RADX: variants seen among roughly 807,000 people sequenced by gnomAD.
RADX encodes the protein RPA1 related single stranded DNA binding protein, X-linked, also known as RPA-related protein RADX.
In RADX, 36 loss-of-function variants were observed where a neutral mutation model predicts 61.6. That is an observed-to-expected ratio of 0.58 (90% CI 0.45 to 0.77). The LOEUF (loss-of-function observed/expected upper bound fraction) is 0.77. Among genes scored for constraint, RADX ranks in the 30% least tolerant of loss-of-function variants. The probability of loss-of-function intolerance (pLI) is 0.00; values close to 1 mark genes in which losing one functional copy is unlikely to be tolerated. For missense variants in RADX, 497 were observed against 651.1 expected, an observed-to-expected ratio of 0.76 and a Z score of 2.58; for synonymous variants, 272 against 237.9, an observed-to-expected ratio of 1.14 and a Z score of -1.32.
chrX:106,634,699 A>G (rs1206156816), intron 6 of RADX, among the ~76,000 whole-genome samples: 1 of 111,796 alleles, frequency 8.9e-6, no homozygotes, highest in East Asian at 2.8e-4. Flanking sequence ...TGGACTTCCA[A>G]GGTGAGTGGG....
At chrX:106,634,788 A>G (rs1927322379) in intron 6 of RADX, among the ~76,000 whole-genome samples, 2 of 111,529 alleles carry the variant, frequency 1.8e-5, no homozygotes, top group African/African-American at 6.5e-5. Flanking sequence ...TATTGCCTCA[A>G]TTTAGGTGGG....
chrX:106,628,644 A>AT (rs35521933), intron 3 of RADX, among the ~76,000 whole-genome samples: 9,066 of 98,301 alleles, frequency 0.092, 1,013 homozygotes, highest in African/African-American at 0.3. Context: ...TAATATGTGA[A>AT]TTTTTTTTTT....
chrX:106,639,720 G>T, intron 9 of RADX, 33 bp downstream of exon 9: 1 of 1,092,521 alleles, frequency 9.2e-7, no homozygotes, highest in Non-Finnish European at 1.2e-6. Flanking sequence ...GTATTTCTCT[G>T]AAAGCACTGT....
chrX:106,662,963 A>C (rs1928141456), intron 12 of RADX, among the ~76,000 whole-genome samples: 1 of 110,314 alleles, frequency 9.1e-6, no homozygotes, highest in Non-Finnish European at 1.9e-5. Context: ...AAATTTACAC[A>C]CAAAAAAATT....
At chrX:106,661,531 A>T (rs1928097637) in intron 11 of RADX, among the ~76,000 whole-genome samples, 1 of 108,937 alleles carries the variant, frequency 9.2e-6, no homozygotes, top group Non-Finnish European at 1.9e-5. Context: ...CCAACCCCTA[A>T]ATGGCCCCTC....
chrX:106,678,533 A>G lies in RADX; in HGVS notation c.*275A>G, dbSNP rs1173468759. On this transcript the variant is annotated 3_prime_UTR_variant, in exon 14 of 14. Coordinates refer to ENST00000372548, the MANE Select transcript of RADX (RefSeq NM_018015.6). ...ATGACTATTATCTTGACTTCTGGTA[A>G]TTTATGTTCACTATTCCATTTGTGA... 5 of 175,150 alleles carry G rather than the reference A, an allele frequency of 2.9e-5. No homozygotes were observed. Among genetic ancestry groups the G allele is most frequent in the Non-Finnish European group, 5.3e-5 (5 of 93,933 alleles). The allele number at this position is 175,150 out of a possible 1,213,427, so 14.4% of individuals were successfully genotyped here.
intron 11 of RADX, among the ~76,000 whole-genome samples, chrX:106,655,291 T>G (rs1927908532): frequency 1.0e-5 from 1 of 97,780 alleles, no homozygotes. Flanking sequence ...CTGTGGCAGT[T>G]TCTTTTTCTT....
In RADX at chrX:106,622,635, CT is replaced by C; in HGVS notation, c.644-10del. ...ACATGTTAAACAGGATTTCTTTCCTCTTTTTTATATTCTAGATACCAAAATA... is the reference window on the plus strand; with the variant it reads ...ACATGTTAAACAGGATTTCTTTCCTCTTTTTATATTCTAGATACCAAAATA... On this transcript the variant is annotated splice_polypyrimidine_tract_variant and intron_variant, in intron 1 of 13. Coordinates refer to ENST00000372548, the MANE Select transcript of RADX (RefSeq NM_018015.6). 1 of 1,071,358 alleles carries C rather than the reference CT, an allele frequency of 9.3e-7. No individual in the cohort carries two copies. Among genetic ancestry groups the C allele is most frequent in the Non-Finnish European group, 1.3e-6 (1 of 781,617 alleles). 88.3% of individuals were successfully genotyped at this position (1,071,358 alleles called of 1,213,427 possible).
In RADX at chrX:106,632,612, A is replaced by G; in HGVS notation, c.980-13A>G. 1 of 1,087,719 alleles carries G rather than the reference A, an allele frequency of 9.2e-7. No individual in the cohort carries two copies. The highest frequency in any genetic ancestry group is 1.3e-6 in the Non-Finnish European group (1 of 790,878). The allele number at this position is 1,087,719 out of a possible 1,213,427, so 89.6% of individuals were successfully genotyped here. ...ATTAAATAGCATATTAAAGTAATAT[A>G]TTTATTTTTCAGAAATCTGCCTGAA... On this transcript the variant is annotated splice_polypyrimidine_tract_variant and intron_variant, in intron 3 of 13. Coordinates refer to ENST00000372548, the MANE Select transcript of RADX (RefSeq NM_018015.6).
At chrX:106,626,010 A>G (rs1428096709) in intron 3 of RADX, among the ~76,000 whole-genome samples, 1 of 111,785 alleles carries the variant, frequency 8.9e-6, no homozygotes, top group Non-Finnish European at 1.9e-5. Context: ...GTCAGTATTC[A>G]AATTTTGCCA....
chrX:106,667,901 T>G (rs1267404315), intron 12 of RADX, among the ~76,000 whole-genome samples: 2 of 111,579 alleles, frequency 1.8e-5, no homozygotes, highest in Non-Finnish European at 1.9e-5. Flanking sequence ...TATATCTAAG[T>G]TAAATTTAGT....
At chrX:106,650,186 T>C (rs1309962023) in intron 11 of RADX, among the ~76,000 whole-genome samples, 1 of 110,822 alleles carries the variant, frequency 9.0e-6, no homozygotes, top group East Asian at 2.9e-4. Flanking sequence ...GGGCAATGGG[T>C]AAGAAAAAGT....
In RADX at chrX:106,612,432, G is replaced by A. The variant is rs909876612; in HGVS notation, c.352G>A (p.Val118Ile). ...CYLDPSLNSL[V>I]YQNILKVGIQ... is the part of the protein sequence containing the mutation. Reference sequence around the variant, plus strand: ...CCTGGACCCCAGCTTGAACTCTCTCGTATATCAAAATATTCTTAAAGTTGG... The same window carrying A: ...CCTGGACCCCAGCTTGAACTCTCTCATATATCAAAATATTCTTAAAGTTGG... The change falls in exon 1 of 14, where the codon GTA (valine) becomes ATA (isoleucine). Residue 118 changes from valine (V) to isoleucine (I), a missense_variant. By Grantham distance (29) the Val-to-Ile change is conservative. Transcript: ENST00000372548. 5 of 1,209,754 alleles carry A rather than the reference G, an allele frequency of 4.1e-6. No homozygotes were observed. In the African/African-American group the frequency reaches 5.3e-5, roughly 13 times the overall value.
At chrX:106,667,941 T>G (rs1332669878) in intron 12 of RADX, among the ~76,000 whole-genome samples, 1 of 111,704 alleles carries the variant, frequency 9.0e-6, no homozygotes, top group East Asian at 2.8e-4. Flanking sequence ...GATACCAGCA[T>G]GTGCACATTC....
At chrX:106,648,187 C>T (rs1312399675) in intron 10 of RADX, 126 bp from the exon 11 acceptor site, 23 of 389,295 alleles carry the variant, frequency 5.9e-5, no homozygotes, top group Non-Finnish European at 1.0e-4. Context: ...TATTATTCAA[C>T]AAACTTAACC....
rs748951730 is a variant in RADX, at chrX:106,620,117, G to A, written c.644-2534G>A. On this transcript the variant is annotated intron_variant, in intron 1 of 13. Transcript: ENST00000372548. ...AAGTGTACAGTGTAGTTTTCCAGGG[G>A]CTAAATGACGTGTGACATAAAAGCA... 4.0e-4 allele frequency among the ~76,000 whole-genome samples: 44 copies of A among 111,056 alleles called. No individual in the cohort carries two copies. The Admixed American group carries it at 4.2e-3, about 11-fold the overall frequency.
chrX:106,640,826 G>A (rs1927494727), intron 10 of RADX, 105 bp downstream of exon 10: 2 of 543,772 alleles, frequency 3.7e-6, no homozygotes, highest in Non-Finnish European at 5.5e-6. Context: ...ATTTGTTAGG[G>A]CCCCCATAAC....
chrX:106,631,406 T>G (rs1569424141), intron 3 of RADX, among the ~76,000 whole-genome samples: 2 of 110,878 alleles, frequency 1.8e-5, no homozygotes. Flanking sequence ...ATCACTAGAT[T>G]GGCCAAAAGT....
At position 106,628,990 on chromosome X, in the gene RADX, A is replaced by G. The variant is rs189511947; in HGVS notation, c.980-3635A>G. 3.3e-3 allele frequency among the ~76,000 whole-genome samples: 369 copies of G among 112,259 alleles called. 2 individuals are homozygous for G. The highest frequency in any genetic ancestry group is 5.7e-3 in the Non-Finnish European group (305 of 53,266). On this transcript the variant is annotated intron_variant, in intron 3 of 13. Transcript: ENST00000372548. ...GGAAATCTATAAAGATGGAAATTCTATTGCAAAACAAAGGATATATTATTT... is the reference window on the plus strand; with the variant it reads ...GGAAATCTATAAAGATGGAAATTCTGTTGCAAAACAAAGGATATATTATTT...
Sources: gnomAD v4.1 joint callset for allele counts (sites outside exome capture counted in the v4.1 genomes callset) on GRCh38, gnomAD v4.1.1 for gene constraint, MANE v1.5 for transcripts, NCBI Gene and HGNC (gene_info 2026-07-23, HGNC 2026-07-21) for gene names.